Variants in SLC22A23 observed in about 807,000 individuals in gnomAD.
SLC22A23 encodes the protein solute carrier family 22 member 23, also known as ion transporter protein.
SLC22A23 carries 26 observed loss-of-function variants against 61.0 expected under a neutral mutation model. That is an observed-to-expected ratio of 0.43 (90% CI 0.31 to 0.59). SLC22A23 has a LOEUF of 0.59. Among genes scored for constraint, SLC22A23 ranks in the 20% least tolerant of loss-of-function variants. SLC22A23 has a pLI of 0.11. For missense variants in SLC22A23, 796 were observed against 934.7 expected, an observed-to-expected ratio of 0.85 and a Z score of 1.94; for synonymous variants, 430 against 413.9, an observed-to-expected ratio of 1.04 and a Z score of -0.47.
intron 5 of SLC22A23, chr6:3,290,883 G>A (rs756183668): frequency 2.0e-5 from 3 of 152,282 alleles, no homozygotes; most frequent in South Asian, 4.1e-4. Context: ...TTCCCGAAGC[G>A]GAGGGGAACC....
chr6:3,426,799 C>G (rs1000444346), intron 1 of SLC22A23, among the ~76,000 whole-genome samples: 12 of 152,210 alleles, frequency 7.9e-5, no homozygotes, highest in African/African-American at 2.4e-5. Flanking sequence ...GGAGGCTGCC[C>G]TGGGCCTACT....
chr6:3,408,414 T>C (rs1581836065), intron 3 of SLC22A23, among the ~76,000 whole-genome samples: 3 of 152,232 alleles, frequency 2.0e-5, no homozygotes, highest in South Asian at 2.1e-4. Flanking sequence ...TCTATGAATA[T>C]GTGAGGTGGA....
intron 1 of SLC22A23, among the ~76,000 whole-genome samples, chr6:3,441,169 T>G (rs1275200214): frequency 6.6e-6 from 1 of 152,194 alleles, no homozygotes; most frequent in Admixed American, 6.5e-5. Context: ...GGGGGCTCGT[T>G]CAGGTGGTTT....
chr6:3,322,392 C>T lies in SLC22A23; in HGVS notation c.1082+1442G>A, dbSNP rs1337535805. On this transcript the variant is annotated intron_variant, in intron 4 of 9. Transcript: ENST00000406686. The surrounding 1 kb of genome is among the most constrained non-coding windows in gnomAD (Gnocchi z 4.1). ...ATAGAAGGAAGAGAGCTGCCCACTC[C>T]ATCCTTCTCCAGGGAAACTATTGCT... is the stretch of plus-strand genomic sequence containing the variant. Among the ~76,000 whole-genome samples the T allele has an allele frequency of 3.3e-5, 5 of 152,190 alleles. No homozygotes were observed. Among genetic ancestry groups the T allele is most frequent in the Non-Finnish European group, 1.5e-5 (1 of 68,018 alleles).
rs1472039926 is a variant in SLC22A23 at position 3,286,065 on chromosome 6, G to A, written c.1546+794C>T. Among the ~76,000 whole-genome samples the A allele has an allele frequency of 6.6e-6, 1 of 151,760 alleles. No individual in the cohort carries two copies. Among genetic ancestry groups the A allele is most frequent in the Non-Finnish European group, 1.5e-5 (1 of 67,992 alleles). On this transcript the variant is annotated intron_variant, in intron 7 of 9. Coordinates refer to ENST00000406686, the MANE Select transcript of SLC22A23 (RefSeq NM_015482.2). The surrounding 1 kb of genome is among the most constrained non-coding windows in gnomAD (Gnocchi z 4.2). The stretch of plus-strand genomic sequence containing the variant: ...GGTGAGGAGCTATACAGAGCTTGCT[G>A]GAAGGGCCAGATGGACTCTCTAGCT...
chr6:3,348,698 C>T (rs1390757327), intron 3 of SLC22A23, among the ~76,000 whole-genome samples: 4 of 152,170 alleles, frequency 2.6e-5, no homozygotes, highest in African/African-American at 9.7e-5. Context: ...TCACCCCTAG[C>T]GGCTGCTCAT....
chr6:3,290,000 T>A, intron 5 of SLC22A23, 134 bp from the exon 6 acceptor site: 1 of 714,588 alleles, frequency 1.4e-6, no homozygotes, highest in Non-Finnish European at 2.4e-6. Flanking sequence ...TTTTTTTTTT[T>A]TTGCCAGTGG....
chr6:3,405,036 G>A (rs555037482), intron 3 of SLC22A23, among the ~76,000 whole-genome samples: 7 of 152,004 alleles, frequency 4.6e-5, no homozygotes, highest in South Asian at 2.1e-4. Flanking sequence ...CGAGGCGGGC[G>A]GATCACGAGG....
chr6:3,367,928 T>C (rs188162488), intron 3 of SLC22A23, among the ~76,000 whole-genome samples: 58 of 152,334 alleles, frequency 3.8e-4, no homozygotes, highest in African/African-American at 1.1e-3. Flanking sequence ...TCCTGAACAC[T>C]GAGTCCTCTC....
chr6:3,310,264 T>A lies in SLC22A23; in HGVS notation c.1083-12046A>T, dbSNP rs532762977. ...CCTGTCTCCCAGGGAGCACCCTGTC[T>A]CCCACTGGAGCACCCTGTCTCCCAG... On this transcript the variant is annotated intron_variant, in intron 4 of 9. Transcript: ENST00000406686. 6.8e-3 allele frequency among the ~76,000 whole-genome samples: 978 copies of A among 144,332 alleles called. 5 individuals are homozygous for A. The highest frequency in any genetic ancestry group is 0.025 in the African/African-American group (932 of 37,504). 94.7% of individuals were successfully genotyped at this position (144,332 alleles called of 152,430 possible).
chr6:3,369,759 A>G (rs1766083498), intron 3 of SLC22A23, among the ~76,000 whole-genome samples: 1 of 152,220 alleles, frequency 6.6e-6, no homozygotes, highest in Non-Finnish European at 1.5e-5. Context: ...GGACTAGTCC[A>G]TACAAGCATT....
intron 3 of SLC22A23, among the ~76,000 whole-genome samples, chr6:3,404,667 C>G (rs575348565): frequency 2.1e-4 from 32 of 152,320 alleles, no homozygotes; most frequent in Middle Eastern, 6.8e-3. Flanking sequence ...GCATTCTCGC[C>G]TTCCCAGGGG....
Position 3,330,579 on chromosome 6 carries a change from C to G in SLC22A23, c.914-6577G>C, listed in dbSNP as rs10458157. ...TACTGCCACAGGCAAGGACGCATGG[C>G]CCCCAGAATCCTGGAAAATAGACTT... On this transcript the variant is annotated intron_variant, in intron 3 of 9. Coordinates refer to ENST00000406686, the MANE Select transcript of SLC22A23 (RefSeq NM_015482.2). The surrounding 1 kb of genome is among the most constrained non-coding windows in gnomAD (Gnocchi z 4.7). Among the ~76,000 whole-genome samples, 119 of 152,318 alleles carry G rather than the reference C, an allele frequency of 7.8e-4. No homozygotes were observed. Among genetic ancestry groups the G allele is most frequent in the Middle Eastern group, 6.8e-3 (2 of 294 alleles).
At chr6:3,275,159 C>CT (rs1422391933) in intron 9 of SLC22A23, among the ~76,000 whole-genome samples, 3 of 152,172 alleles carry the variant, frequency 2.0e-5, no homozygotes, top group Non-Finnish European at 4.4e-5. Flanking sequence ...AGTTCAGAAA[C>CT]TAACCTTCAC....
chr6:3,294,594 T>C (rs577028675), intron 5 of SLC22A23, among the ~76,000 whole-genome samples: 2 of 152,294 alleles, frequency 1.3e-5, no homozygotes, highest in Admixed American at 1.3e-4. Context: ...GTTTTTGCAT[T>C]AGGCTGCTGG....
chr6:3,305,009 G>A (rs567169920), intron 4 of SLC22A23, among the ~76,000 whole-genome samples: 6 of 152,148 alleles, frequency 3.9e-5, no homozygotes, highest in East Asian at 3.9e-4. Context: ...AGATCTGGGC[G>A]CGAGACAAGG....
intron 3 of SLC22A23, among the ~76,000 whole-genome samples, chr6:3,409,027 T>C (rs758440233): frequency 2.0e-5 from 3 of 152,234 alleles, no homozygotes; most frequent in Non-Finnish European, 4.4e-5. Flanking sequence ...GCATTTTGCC[T>C]GGGGAGGTTC....
chr6:3,368,509 G>A (rs1445105616), intron 3 of SLC22A23, among the ~76,000 whole-genome samples: 1 of 152,208 alleles, frequency 6.6e-6, no homozygotes, highest in African/African-American at 2.4e-5. Flanking sequence ...ATAAGATTCA[G>A]AAGTACTGCC....
chr6:3,401,499 A>T (rs2127499174), intron 3 of SLC22A23, among the ~76,000 whole-genome samples: 1 of 152,370 alleles, frequency 6.6e-6, no homozygotes, highest in East Asian at 1.9e-4. Context: ...TACATAAATT[A>T]AAACCTATGC....
Sources: gnomAD v4.1 joint callset for allele counts (sites outside exome capture counted in the v4.1 genomes callset) on GRCh38, gnomAD v4.1.1 for gene constraint, Gnocchi (gnomAD v3.1) non-coding constraint, MANE v1.5 for transcripts, NCBI Gene and HGNC (gene_info 2026-07-23, HGNC 2026-07-21) for gene names.